The following GABBR2 variants were observed in gnomAD, a reference collection of about 807,000 sequenced individuals.
GABBR2 encodes G-protein coupled receptor 51.
GABBR2 carries 23 observed loss-of-function variants against 105.6 expected under a neutral mutation model. The ratio of observed to expected loss-of-function variants is 0.22; its 90% CI spans 0.16 to 0.31. GABBR2 has a LOEUF of 0.31. GABBR2 is among the 10% of genes least tolerant of loss of function. The pLI is 1.00. For synonymous variants in GABBR2, 478 were observed against 499.7 expected, an observed-to-expected ratio of 0.96 and a Z score of 0.58; for missense variants, 734 against 1,245.5, an observed-to-expected ratio of 0.59 and a Z score of 6.18.
chr9:98,634,545 A>C (rs1311206044), intron 1 of GABBR2, among the ~76,000 whole-genome samples: 2 of 152,172 alleles, frequency 1.3e-5, no homozygotes, highest in African/African-American at 4.8e-5. Flanking sequence ...TGGTGCCACA[A>C]GCCAAAGAAC....
intron 4 of GABBR2, among the ~76,000 whole-genome samples, chr9:98,487,829 A>C (rs972857271): frequency 6.6e-6 from 1 of 152,176 alleles, no homozygotes; most frequent in African/African-American, 2.4e-5. Flanking sequence ...AGAACCTGTG[A>C]GTACGTTATG....
chr9:98,609,637 G>T (rs953721339), intron 1 of GABBR2, among the ~76,000 whole-genome samples: 1 of 152,220 alleles, frequency 6.6e-6, no homozygotes. Flanking sequence ...TTAGCAGTGA[G>T]CAAGGCATGG....
At position 98,492,349 on chromosome 9, in the gene GABBR2, T is replaced by TAAAAAAAAA. The variant is rs574771107; in HGVS notation, c.732+4055_732+4063dup. Reference sequence around the variant, plus strand: ...GAGCCCGCTTAAGTTTGTTTCCTAGTAAAAAAAAAAAAAAAAAAAAAAAAA... The same window carrying TAAAAAAAAA: ...GAGCCCGCTTAAGTTTGTTTCCTAGTAAAAAAAAAAAAAAAAAAAAAAAAAAAAAAAAAA... On this transcript the variant is annotated intron_variant, in intron 4 of 18. Coordinates refer to ENST00000259455, the MANE Select transcript of GABBR2 (RefSeq NM_005458.8). Among the ~76,000 whole-genome samples, 55 of 29,218 alleles carry TAAAAAAAAA rather than the reference T, an allele frequency of 1.9e-3. 9 individuals carry two copies. The East Asian group carries it at 0.028, about 15-fold the overall frequency. The allele number at this position is 29,218 out of a possible 152,430, so 19.2% of individuals were successfully genotyped here. A position where few individuals can be genotyped will look rare whatever the true frequency, so the allele number is the denominator to read the frequency against.
intron 1 of GABBR2, among the ~76,000 whole-genome samples, chr9:98,657,459 C>T (rs1368311649): frequency 1.3e-5 from 2 of 152,190 alleles, no homozygotes; most frequent in African/African-American, 4.8e-5. Flanking sequence ...CATTCATTTA[C>T]ATTTATCTGG....
chr9:98,582,908 G>A (rs778355939), intron 1 of GABBR2, among the ~76,000 whole-genome samples: 10 of 152,200 alleles, frequency 6.6e-5, no homozygotes, highest in Non-Finnish European at 1.3e-4. Flanking sequence ...TGCAGAGACT[G>A]AGGACTAGAG....
chr9:98,390,161 G>A (rs1832153001), intron 9 of GABBR2, among the ~76,000 whole-genome samples: 1 of 152,130 alleles, frequency 6.6e-6, no homozygotes, highest in Admixed American at 6.5e-5. Context: ...GATCACTTGA[G>A]GTCAGGAGCT....
intron 7 of GABBR2, among the ~76,000 whole-genome samples, chr9:98,417,929 G>A (rs889960964): frequency 3.3e-5 from 5 of 152,132 alleles, no homozygotes; most frequent in African/African-American, 1.2e-4. Context: ...GCAAAGCCTA[G>A]AGGCAAGAGA....
At chr9:98,705,878 AC>A (rs1164471204) in intron 1 of GABBR2, among the ~76,000 whole-genome samples, 1 of 152,012 alleles carries the variant, frequency 6.6e-6, no homozygotes, top group Non-Finnish European at 1.5e-5. Context: ...GGAGTTCAAG[AC>A]CAGCCCGACC....
intron 7 of GABBR2, among the ~76,000 whole-genome samples, chr9:98,422,755 TC>T (rs1296019821): frequency 8.1e-6 from 1 of 123,768 alleles, no homozygotes; most frequent in Non-Finnish European, 1.6e-5. Flanking sequence ...ATGCTATCCC[TC>T]CCCCCTCCCC....
chr9:98,494,099 G>A (rs1827228616), intron 4 of GABBR2, among the ~76,000 whole-genome samples: 1 of 152,204 alleles, frequency 6.6e-6, no homozygotes, highest in African/African-American at 2.4e-5. Context: ...GTGATGCAGT[G>A]GTGAGCCACA....
intron 4 of GABBR2, among the ~76,000 whole-genome samples, chr9:98,481,424 TG>T (rs796467252): frequency 9.8e-5 from 15 of 152,332 alleles, no homozygotes; most frequent in African/African-American, 3.1e-4. Flanking sequence ...CTAAGGCCCC[TG>T]GGGAGTTTGT....
At chr9:98,406,750 C>T (rs957523899) in intron 7 of GABBR2, among the ~76,000 whole-genome samples, 1 of 152,194 alleles carries the variant, frequency 6.6e-6, no homozygotes, top group Non-Finnish European at 1.5e-5. Context: ...CAGCTGAGTG[C>T]CCCTCATTAG....
intron 1 of GABBR2, among the ~76,000 whole-genome samples, chr9:98,583,374 G>A (rs190534198): frequency 3.3e-5 from 5 of 152,324 alleles, no homozygotes; most frequent in Admixed American, 1.3e-4. Context: ...CCTCAGGGGC[G>A]TAAAGCCCAG....
intron 13 of GABBR2, among the ~76,000 whole-genome samples, chr9:98,326,247 A>G (rs1830922196): frequency 6.6e-6 from 1 of 152,246 alleles, no homozygotes. Context: ...TGGCACAGCA[A>G]AACAGTGAGC....
At chr9:98,689,645 A>G (rs1830661470) in intron 1 of GABBR2, among the ~76,000 whole-genome samples, 1 of 152,214 alleles carries the variant, frequency 6.6e-6, no homozygotes, top group South Asian at 2.1e-4. Flanking sequence ...AAAAGCCAGG[A>G]TCGTCCTCTA....
rs1296444996 is a variant in GABBR2, at chr9:98,299,305, C to T, written c.2461G>A (p.Glu821Lys). Residue 821 changes from glutamate to lysine, a missense_variant, in exon 17 of 19, where the codon GAA (glutamate) becomes AAA (lysine). By Grantham distance (56) the Glu-to-Lys change is moderately conservative. This residue lies in a region of GABBR2 where 134 missense variants were observed against 171.2 expected (regional missense o/e 0.78). Coordinates refer to ENST00000259455, the MANE Select transcript of GABBR2 (RefSeq NM_005458.8). Reference sequence around the variant, plus strand: ...TTCTGTTTAATGTAGGTGGTCTTTTCTGGTGTGTCCTGCAGCTGCATGGTG... The same window carrying T: ...TTCTGTTTAATGTAGGTGGTCTTTTTTGGTGTGTCCTGCAGCTGCATGGTG... ...EVTMQLQDTP[E>K]KTTYIKQNHY... 1.1e-5 allele frequency: 17 copies of T among 1,613,870 alleles called. No individual in the cohort carries two copies. The highest frequency in any genetic ancestry group is 1.4e-5 in the Non-Finnish European group (16 of 1,179,774).
intron 1 of GABBR2, among the ~76,000 whole-genome samples, chr9:98,691,445 T>G (rs1003436013): frequency 5.3e-5 from 8 of 152,232 alleles, no homozygotes; most frequent in African/African-American, 1.9e-4. Context: ...GTCTTTGCAA[T>G]GTCCCTGGAG....
At chr9:98,445,851 CAGG>C (rs1362994463) in intron 7 of GABBR2, among the ~76,000 whole-genome samples, 3 of 152,192 alleles carry the variant, frequency 2.0e-5, no homozygotes, top group African/African-American at 7.2e-5. Context: ...AAACTGAGCT[CAGG>C]AGATCTGGGT....
At chr9:98,608,052 TG>T in intron 1 of GABBR2, 1 of 1,307,086 alleles carries the variant, frequency 7.7e-7, no homozygotes, top group Non-Finnish European at 1.1e-6. Context: ...GAAAGCAAAC[TG>T]GGAAGCTCAA....
Sources: gnomAD v4.1 joint callset for allele counts (sites outside exome capture counted in the v4.1 genomes callset) on GRCh38, gnomAD v4.1.1 for gene constraint, gnomAD v4.1.1 regional missense constraint, MANE v1.5 for transcripts, NCBI Gene and HGNC (gene_info 2026-07-23, HGNC 2026-07-21) for gene names.